Variants in CACNA1D observed in about 807,000 individuals in gnomAD.
The protein encoded by CACNA1D is calcium voltage-gated channel subunit alpha1 D.
Under a neutral mutation model 257.1 loss-of-function variants are expected in CACNA1D, and 55 were observed. The ratio of observed to expected loss-of-function variants is 0.21; its 90% CI spans 0.17 to 0.27. The LOEUF is 0.27. Among genes scored for constraint, CACNA1D ranks in the 10% least tolerant of loss-of-function variants. CACNA1D has a pLI of 1.00. For synonymous variants in CACNA1D, 980 were observed against 1,014.9 expected, an observed-to-expected ratio of 0.97 and a Z score of 0.65; for missense variants, 1,876 against 2,784.0, an observed-to-expected ratio of 0.67 and a Z score of 7.34.
At chr3:53,668,937 T>C (rs1186928082) in intron 7 of CACNA1D, among the ~76,000 whole-genome samples, 1 of 152,236 alleles carries the variant, frequency 6.6e-6, no homozygotes, top group South Asian at 2.1e-4. Context: ...ATTTTTAGCT[T>C]GAGGCCATAT....
chr3:53,595,009 A>G (rs757263119), intron 3 of CACNA1D, among the ~76,000 whole-genome samples: 2 of 152,154 alleles, frequency 1.3e-5, no homozygotes, highest in Non-Finnish European at 2.9e-5. Context: ...TTTCAGCTTT[A>G]ATGTCCTGTT....
At chr3:53,683,100 T>G (rs2094447144) in intron 8 of CACNA1D, among the ~76,000 whole-genome samples, 1 of 152,070 alleles carries the variant, frequency 6.6e-6, no homozygotes, top group South Asian at 2.1e-4. Context: ...GGGCAGAGTA[T>G]GGGTGAGAAG....
chr3:53,630,253 C>T (rs186342055), intron 3 of CACNA1D, among the ~76,000 whole-genome samples: 14 of 152,320 alleles, frequency 9.2e-5, no homozygotes, highest in Admixed American at 7.2e-4. Flanking sequence ...TCCACAACTT[C>T]CAGTTGCCTC....
chr3:53,670,266 G>C (rs747545127), intron 7 of CACNA1D, among the ~76,000 whole-genome samples: 2 of 152,198 alleles, frequency 1.3e-5, no homozygotes, highest in Non-Finnish European at 2.9e-5. Context: ...GTTTCCAGAA[G>C]TGTTTTCAGC....
At chr3:53,607,064 A>G (rs2107925234) in intron 3 of CACNA1D, among the ~76,000 whole-genome samples, 1 of 152,338 alleles carries the variant, frequency 6.6e-6, no homozygotes, top group East Asian at 1.9e-4. Context: ...AACATTGGAA[A>G]CATTGTTTTG....
intron 9 of CACNA1D, among the ~76,000 whole-genome samples, chr3:53,703,836 A>G (rs1382906222): frequency 6.6e-6 from 1 of 152,164 alleles, no homozygotes; most frequent in Non-Finnish European, 1.5e-5. Flanking sequence ...AGGGAGAGAC[A>G]GGCCTGTCAC....
At chr3:53,718,518 C>A in intron 10 of CACNA1D, 130 bp downstream of exon 10, 2 of 1,046,596 alleles carry the variant, frequency 1.9e-6, no homozygotes, top group Non-Finnish European at 2.9e-6. Flanking sequence ...GAAGGCTCCT[C>A]GTACCCCACG....
chr3:53,600,843 C>T (rs1046659423), intron 3 of CACNA1D, among the ~76,000 whole-genome samples: 2 of 152,018 alleles, frequency 1.3e-5, no homozygotes, highest in African/African-American at 4.8e-5. Context: ...TAGCTTTAAC[C>T]CCCCTGTTCG....
intron 9 of CACNA1D, among the ~76,000 whole-genome samples, chr3:53,709,589 C>A (rs2094727639): frequency 6.6e-6 from 1 of 152,218 alleles, no homozygotes; most frequent in South Asian, 2.1e-4. Flanking sequence ...CTTACTCCAG[C>A]ATTCCTGCTG....
At chr3:53,567,022 A>G (rs1027128406) in intron 3 of CACNA1D, among the ~76,000 whole-genome samples, 1 of 152,206 alleles carries the variant, frequency 6.6e-6, no homozygotes, top group Admixed American at 6.5e-5. Context: ...GCAGCACTGT[A>G]ATTCCTTAAG....
At chr3:53,755,326 T>G (rs1014544084) in intron 29 of CACNA1D, among the ~76,000 whole-genome samples, 3 of 151,528 alleles carry the variant, frequency 2.0e-5, no homozygotes, top group Non-Finnish European at 4.4e-5. Flanking sequence ...TGTGTATGTG[T>G]GTGTGTCAGT....
rs376144085 is a variant in CACNA1D at position 53,801,118 on chromosome 3, C to T, written c.5101C>T (p.Leu1701Phe). The T allele has an allele frequency of 1.6e-5, 26 of 1,613,600 alleles. No individual in the cohort carries two copies. The highest frequency in any genetic ancestry group is 9.3e-6 in the Non-Finnish European group (11 of 1,179,666). Residue 1701 changes from leucine (L) to phenylalanine (F), a missense_variant, in exon 42 of 48, where the codon CTT (leucine) becomes TTT (phenylalanine). This residue lies in a region of CACNA1D where 160 missense variants were observed against 236.6 expected (regional missense o/e 0.68). Coordinates refer to ENST00000350061, the MANE Select transcript of CACNA1D (RefSeq NM_001128840.3). ...NHVNSDRRDS[L>F]QQTNTTHRPL... ...TGTTAATAGTGATAGGAGAGATTCC[C>T]TTCAGCAGACCAATACCACCCACCG...
intron 3 of CACNA1D, among the ~76,000 whole-genome samples, chr3:53,591,071 C>T (rs1015760523): frequency 6.6e-6 from 1 of 152,210 alleles, no homozygotes; most frequent in Non-Finnish European, 1.5e-5. Context: ...TCCCACATCA[C>T]TCAGTCCTGC....
chr3:53,754,622 G>C (rs1456691435), intron 29 of CACNA1D, among the ~76,000 whole-genome samples: 5 of 152,176 alleles, frequency 3.3e-5, no homozygotes, highest in Admixed American at 3.3e-4. Context: ...CATCAAGCAA[G>C]GATGTTCCCT....
At chr3:53,649,287 A>G (rs2094061022) in intron 3 of CACNA1D, among the ~76,000 whole-genome samples, 1 of 152,250 alleles carries the variant, frequency 6.6e-6, no homozygotes, top group African/African-American at 2.4e-5. Flanking sequence ...GTTTCTGAAT[A>G]TAAAGTGTTC....
Position 53,801,251 on chromosome 3 carries a change from C to A in CACNA1D, c.5234C>A (p.Ser1745Tyr). The change falls in exon 42 of 48, where the codon TCC (serine) becomes TAC (tyrosine). Residue 1745 changes from serine to tyrosine, a missense_variant. Physicochemically the swap from Ser to Tyr is moderately radical, Grantham distance 144 (BLOSUM62 -2). Transcript: ENST00000350061. ...SVCHNHHNHN[S>Y]IGKQVPTSTN... ...TGTCATAACCATCATAACCATAATT[C>A]CATAGGAAAGCAAGTTCCCACCTCA... 6.2e-7 allele frequency: 1 copy of A among 1,614,036 alleles called. No individual in the cohort carries two copies. Among genetic ancestry groups the A allele is most frequent in the Non-Finnish European group, 8.5e-7 (1 of 1,179,940 alleles).
Position 53,673,664 on chromosome 3 carries a change from G to C in CACNA1D, c.1220+538G>C, listed in dbSNP as rs781520522. On this transcript the variant is annotated intron_variant, in intron 8 of 47. Coordinates refer to ENST00000350061, the MANE Select transcript of CACNA1D (RefSeq NM_001128840.3). The surrounding 1 kb of genome is among the most constrained non-coding windows in gnomAD (Gnocchi z 4.1). ...GTTTGGCAGCTGCAACTGGGGCTCT[G>C]CTCTTTAGTAAATGGATAACTGATA... The C allele has an allele frequency of 1.4e-6, 2 of 1,395,040 alleles. No individual in the cohort carries two copies. The highest frequency in any genetic ancestry group is 2.3e-5 in the South Asian group (2 of 86,624). The allele number at this position is 1,395,040 out of a possible 1,614,324, so 86.4% of individuals were successfully genotyped here.
chr3:53,568,006 A>G lies in CACNA1D; in HGVS notation c.483+66286A>G, dbSNP rs77995628. Among the ~76,000 whole-genome samples the G allele has an allele frequency of 7.6e-3, 1,160 of 152,296 alleles. 14 individuals carry two copies. Among genetic ancestry groups the G allele is most frequent in the African/African-American group, 0.026 (1,078 of 41,562 alleles). On this transcript the variant is annotated intron_variant, in intron 3 of 47. Coordinates refer to ENST00000350061, the MANE Select transcript of CACNA1D (RefSeq NM_001128840.3). ...AGAAGACCTTGCCTCACGACTCTAA[A>G]TAAGTCGTTTAACCTAATTGAGCCT...
intron 3 of CACNA1D, among the ~76,000 whole-genome samples, chr3:53,527,292 T>C (rs1006294542): frequency 6.6e-6 from 1 of 152,226 alleles, no homozygotes; most frequent in African/African-American, 2.4e-5. Context: ...TCTACTCCAG[T>C]GTGGATTTGC....
Sources: allele counts gnomAD v4.1 joint callset (sites outside exome capture counted in the v4.1 genomes callset), GRCh38; gene constraint gnomAD v4.1.1; regional missense constraint gnomAD v4.1.1; non-coding constraint Gnocchi (gnomAD v3.1); transcripts MANE v1.5; gene names NCBI Gene and HGNC (gene_info 2026-07-23, HGNC 2026-07-21).